The following TLN2 variants were observed in gnomAD, a reference collection of about 807,000 sequenced individuals.
TLN2 encodes talin 2.
A neutral mutation model predicts 294.7 loss-of-function variants in TLN2; 118 were observed. The observed-to-expected ratio is 0.40, with a 90% CI of 0.34 to 0.47. TLN2 has a LOEUF of 0.47. TLN2 is among the 20% of genes least tolerant of loss of function. The pLI is 0.84. For synonymous variants in TLN2, 1,431 were observed against 1,304.5 expected (o/e 1.10, Z -2.09); for missense variants, 3,083 against 3,282.2 (o/e 0.94, Z 1.48).
intron 1 of TLN2, among the ~76,000 whole-genome samples, chr15:62,576,595 A>ATTTTTTTT (rs3055751): frequency 9.7e-6 from 1 of 103,050 alleles, no homozygotes; most frequent in Non-Finnish European, 1.9e-5. Flanking sequence ...ATTGCTCTGT[A>ATTTTTTTT]TTTTTTTTTT....
intron 1 of TLN2, among the ~76,000 whole-genome samples, chr15:62,402,878 G>A (rs1049439517): frequency 3.9e-5 from 6 of 152,108 alleles, no homozygotes; most frequent in African/African-American, 1.4e-4. Flanking sequence ...TTTCCCTTTT[G>A]CATCATCAGT....
intron 1 of TLN2, among the ~76,000 whole-genome samples, chr15:62,521,285 C>T (rs1032890965): frequency 2.0e-5 from 3 of 151,788 alleles, no homozygotes; most frequent in Admixed American, 6.6e-5. Context: ...GGCTGGGTGC[C>T]GTGAGGGTGG....
intron 11 of TLN2, among the ~76,000 whole-genome samples, chr15:62,677,850 C>T (rs982294338): frequency 8.1e-5 from 10 of 123,734 alleles, no homozygotes; most frequent in Non-Finnish European, 1.5e-4. Flanking sequence ...GGCTAGAGAG[C>T]AATGGCACGA....
intron 10 of TLN2, 111 bp from the exon 11 acceptor site, chr15:62,675,106 T>C: frequency 1.0e-6 from 1 of 961,454 alleles, no homozygotes; most frequent in Non-Finnish European, 1.6e-6. Context: ...AACCATCACT[T>C]AATGATCATT....
chr15:62,638,888 A>G (rs528889244), intron 3 of TLN2, among the ~76,000 whole-genome samples: 18 of 152,062 alleles, frequency 1.2e-4, no homozygotes, highest in Admixed American at 1.2e-3. Flanking sequence ...CCAGATGGAG[A>G]ACTTCATCTT....
intron 4 of TLN2, 26 bp from the exon 5 acceptor site, chr15:62,650,058 T>C (rs28623677): frequency 2.5e-6 from 4 of 1,612,470 alleles, no homozygotes; most frequent in Non-Finnish European, 3.4e-6. Flanking sequence ...CTTTGCCTTC[T>C]GTTTTTCTTC....
chr15:62,740,815 C>T, intron 32 of TLN2, 46 bp downstream of exon 32: 1 of 1,608,816 alleles, frequency 6.2e-7, no homozygotes, highest in Non-Finnish European at 8.5e-7. Flanking sequence ...TAGACAGTGT[C>T]ATTGCAGTCT....
chr15:62,767,432 C>A (rs7170658), intron 41 of TLN2, among the ~76,000 whole-genome samples: 2 of 151,542 alleles, frequency 1.3e-5, no homozygotes, highest in Non-Finnish European at 2.9e-5. Context: ...ACCTCCGCCT[C>A]CCGGGTTCAG....
chr15:62,815,316 A>C (rs1200406539), intron 52 of TLN2, among the ~76,000 whole-genome samples: 1 of 152,036 alleles, frequency 6.6e-6, no homozygotes, highest in Non-Finnish European at 1.5e-5. Context: ...CTCCATTCTG[A>C]AAAAGAGTTG....
intron 1 of TLN2, among the ~76,000 whole-genome samples, chr15:62,547,844 G>A (rs1206216705): frequency 2.6e-5 from 4 of 152,214 alleles, no homozygotes; most frequent in Non-Finnish European, 5.9e-5. Context: ...GGCCAATTGT[G>A]TGATGTTGGA....
intron 54 of TLN2, chr15:62,830,220 C>T (rs564896446): frequency 2.0e-4 from 30 of 152,290 alleles, no homozygotes; most frequent in African/African-American, 6.7e-4. Context: ...ATCTGACTGA[C>T]CCTGGTCAGG....
At chr15:62,630,983 TAA>T (rs1339907290) in intron 3 of TLN2, among the ~76,000 whole-genome samples, 2 of 152,080 alleles carry the variant, frequency 1.3e-5, no homozygotes, top group Non-Finnish European at 2.9e-5. Context: ...AAAGAAAACT[TAA>T]AAGATTTTTT....
chr15:62,829,173 T>TTA (rs2068519124), intron 54 of TLN2: 1 of 104,516 alleles, frequency 9.6e-6, no homozygotes, highest in African/African-American at 3.6e-5. Context: ...ATATATTATA[T>TTA]TATATATATA....
intron 1 of TLN2, among the ~76,000 whole-genome samples, chr15:62,429,129 GT>G (rs111445472): frequency 5.1e-5 from 7 of 136,052 alleles, no homozygotes; most frequent in South Asian, 2.5e-4. Flanking sequence ...GTTGGCGGGG[GT>G]TGGGGGGGTA....
At chr15:62,558,534 C>A (rs1489432013) in intron 1 of TLN2, among the ~76,000 whole-genome samples, 1 of 152,022 alleles carries the variant, frequency 6.6e-6, no homozygotes, top group Non-Finnish European at 1.5e-5. Context: ...TTGGAACAGA[C>A]CCCCTGTAAC....
intron 4 of TLN2, 44 bp downstream of exon 4, chr15:62,647,490 T>C (rs747055227): frequency 1.9e-6 from 3 of 1,612,000 alleles, no homozygotes; most frequent in Non-Finnish European, 2.5e-6. Context: ...CGTGTTTGCA[T>C]GTTTTTCACT....
chr15:62,579,510 T>TG (rs1158009729), intron 1 of TLN2, among the ~76,000 whole-genome samples: 1 of 152,212 alleles, frequency 6.6e-6, no homozygotes, highest in African/African-American at 2.4e-5. Context: ...CTTAGGTTGC[T>TG]GGGGGCTGAG....
At chr15:62,782,610 C>G (rs868225964) in intron 44 of TLN2, among the ~76,000 whole-genome samples, 1 of 152,180 alleles carries the variant, frequency 6.6e-6, no homozygotes, top group Non-Finnish European at 1.5e-5. Context: ...CTTCTCACCC[C>G]GTCAGGATGC....
chr15:62,707,429 A>G (rs112369432), intron 20 of TLN2, among the ~76,000 whole-genome samples, 176 bp downstream of exon 20: 3,785 of 152,332 alleles, frequency 0.025, 76 homozygotes, highest in Middle Eastern at 0.058. Flanking sequence ...TTCTGCTTTT[A>G]TCATTTGTTC....
Sources: gnomAD v4.1 joint callset for allele counts (sites outside exome capture counted in the v4.1 genomes callset) on GRCh38, gnomAD v4.1.1 for gene constraint, MANE v1.5 for transcripts, NCBI Gene and HGNC (gene_info 2026-07-23, HGNC 2026-07-21) for gene names.